Variants in NPFF observed in about 807,000 individuals in gnomAD.
The protein encoded by NPFF is neuropeptide FF-amide peptide precursor.
NPFF carries 14 observed loss-of-function variants against 12.9 expected under a neutral mutation model. That is an observed-to-expected ratio of 1.09 (90% CI 0.72 to 1.70). The LOEUF is 1.70. Ranked by LOEUF, NPFF falls within the 40% of genes most tolerant of loss-of-function variation. The pLI is 0.00. For missense variants in NPFF, 140 were observed against 135.7 expected, an observed-to-expected ratio of 1.03 and a Z score of -0.16; for synonymous variants, 56 against 57.3, an observed-to-expected ratio of 0.98 and a Z score of 0.10.
In NPFF at chr12:53,507,092, T is replaced by C. The variant is rs768475017; in HGVS notation, c.153A>G (p.Ser51=). The stretch of plus-strand genomic sequence containing the variant: ...TTGCCTGGAGCAGGTAGTGCAACAG[T>C]GACCCAGAGGTCTGGGCATCCTGTG... ...LPPQDAQTSG[S]LLHYLLQAME... Residue 51 remains serine (S), a synonymous_variant, in exon 2 of 3, where the codon TCA becomes TCG. Coordinates refer to ENST00000267017, the MANE Select transcript of NPFF (RefSeq NM_003717.4). The C allele has an allele frequency of 6.2e-7, 1 of 1,614,060 alleles. No homozygotes were observed. The highest frequency in any genetic ancestry group is 1.7e-5 in the Admixed American group (1 of 60,008).
rs1405541986 is a variant in NPFF, at chr12:53,506,879, G to A, written c.239C>T (p.Thr80Ile). 1 of 1,596,212 alleles carries A rather than the reference G, an allele frequency of 6.3e-7. No individual in the cohort carries two copies. Among genetic ancestry groups the A allele is most frequent in the Non-Finnish European group, 8.5e-7 (1 of 1,170,932 alleles). The change falls in exon 3 of 3, where the codon ACC (threonine) becomes ATC (isoleucine). Residue 80 changes from threonine (T) to isoleucine (I), a missense_variant. By Grantham distance (89) the Thr-to-Ile change is moderately conservative. Transcript: ENST00000267017. ...CCATTCATTCCTCCAGGATCCCTGG[G>A]TATTTCTGCCAAACCTTAGGAAAGA... is the stretch of plus-strand genomic sequence containing the variant. ...LFQPQRFGRN[T>I]QGSWRNEWLS...
Position 53,507,157 on chromosome 12 carries a change from T to C in NPFF, c.103-15A>G, listed in dbSNP as rs373348483. The C allele has an allele frequency of 2.0e-5, 33 of 1,611,904 alleles. No individual in the cohort carries two copies. Among genetic ancestry groups the C allele is most frequent in the Non-Finnish European group, 2.0e-5 (23 of 1,179,042 alleles). ...CTGTCTTCCTCCTGTGCCAAGGGGG[T>C]ATCAGGGAAGGAAGATGGGCAAATA... On this transcript the variant is annotated splice_polypyrimidine_tract_variant and intron_variant, in intron 1 of 2. Transcript: ENST00000267017.
intron 1 of NPFF, 81 bp from the exon 2 acceptor site, chr12:53,507,223 A>C (rs1453290193): frequency 6.3e-7 from 1 of 1,586,746 alleles, no homozygotes; most frequent in African/African-American, 1.3e-5. Context: ...ACTGGCTTCC[A>C]GGGGCAAGTG....
chr12:53,506,786 C>G lies in NPFF; in HGVS notation c.332G>C (p.Gly111Ala). The G allele has an allele frequency of 6.4e-7, 1 of 1,558,172 alleles. No homozygotes were observed. The highest frequency in any genetic ancestry group is 1.2e-5 in the South Asian group (1 of 81,926). ...TCAAGGGATGACATGTCACTTCTTC[C>G]CAAAGCGTTGAGGGGCAGCCAGGCT... ...FWSLAAPQRF[G>A]KK Residue 111 changes from glycine (G) to alanine (A), a missense_variant, in exon 3 of 3, where the codon GGG (glycine) becomes GCG (alanine). Coordinates refer to ENST00000267017, the MANE Select transcript of NPFF (RefSeq NM_003717.4).
At chr12:53,506,920 C>T in intron 2 of NPFF, 27 bp from the exon 3 acceptor site, 5 of 1,577,398 alleles carry the variant, frequency 3.2e-6, no homozygotes, top group Non-Finnish European at 4.3e-6. Flanking sequence ...CCTCAGGTCC[C>T]CGCAGTCTCC....
In NPFF at chr12:53,507,412, A is replaced by G. The variant is rs1021384111; in HGVS notation, c.63T>C (p.Ala21=). ...VLLLLIDGGC[A]EGPGGQQEDQ... is the part of the protein sequence containing the mutation. ...CTTCCTGCTGGCCTCCTGGCCCTTCAGCACAGCCCCCGTCTATTAACAGCA... is the reference window on the plus strand; with the variant it reads ...CTTCCTGCTGGCCTCCTGGCCCTTCGGCACAGCCCCCGTCTATTAACAGCA... The change falls in exon 1 of 3, where the codon GCT becomes GCC. Residue 21 remains alanine (A), a synonymous_variant. Transcript: ENST00000267017. 7.4e-6 allele frequency: 12 copies of G among 1,614,026 alleles called. No individual in the cohort carries two copies. The highest frequency in any genetic ancestry group is 3.3e-5 in the Admixed American group (2 of 60,014).
At chr12:53,506,964 G>T in intron 2 of NPFF, 57 bp downstream of exon 2, 1 of 1,591,120 alleles carries the variant, frequency 6.3e-7, no homozygotes, top group South Asian at 1.1e-5. Flanking sequence ...CTCTTCCTCT[G>T]CCTCCTGCCC....
In NPFF at chr12:53,506,856, A is replaced by G. The variant is rs35822762; in HGVS notation, c.262T>C (p.Trp88Arg). Residue 88 changes from tryptophan to arginine, a missense_variant, in exon 3 of 3, where the codon TGG (tryptophan) becomes CGG (arginine). Transcript: ENST00000267017. ...RNTQGSWRNE[W>R]LSPRAGEGLN... ...CCCTCTCCAGCCCGGGGACTCAGCC[A>G]TTCATTCCTCCAGGATCCCTGGGTA... The G allele has an allele frequency of 4.4e-3, 7,133 of 1,604,760 alleles. 157 individuals carry two copies. In the African/African-American group the frequency reaches 0.061, roughly 14 times the overall value.
Position 53,506,964 on chromosome 12 carries a change from G to A in NPFF, c.224+57C>T, listed in dbSNP as rs370832577. ...GCCCCCTTCCTTCTCCTCTTCCTCT[G>A]CCTCCTGCCCTTTCCACCCCCAGCC... On this transcript the variant is annotated intron_variant, in intron 2 of 2. Coordinates refer to ENST00000267017, the MANE Select transcript of NPFF (RefSeq NM_003717.4). The A allele has an allele frequency of 1.5e-4, 235 of 1,591,122 alleles. 3 individuals are homozygous for A. The African/African-American group carries it at 2.4e-3, about 16-fold the overall frequency.
Position 53,507,103 on chromosome 12 carries a change from T to G in NPFF, c.142A>C (p.Thr48Pro), listed in dbSNP as rs1215599243. The G allele has an allele frequency of 6.2e-6, 10 of 1,613,872 alleles. No homozygotes were observed. Among genetic ancestry groups the G allele is most frequent in the Non-Finnish European group, 8.5e-6 (10 of 1,179,966 alleles). ...SEPLPPQDAQ[T>P]SGSLLHYLLQ... is the part of the protein sequence containing the mutation. Reference sequence around the variant, plus strand: ...AGGTAGTGCAACAGTGACCCAGAGGTCTGGGCATCCTGTGGTGGGAGGGGT... The same window carrying G: ...AGGTAGTGCAACAGTGACCCAGAGGGCTGGGCATCCTGTGGTGGGAGGGGT... The change falls in exon 2 of 3, where the codon ACC becomes CCC. Residue 48 changes from threonine to proline, a missense_variant. Transcript: ENST00000267017.
rs1382995471 is a variant in NPFF at position 53,507,154 on chromosome 12, G to T, written c.103-12C>A. 2.5e-6 allele frequency: 4 copies of T among 1,612,924 alleles called. No homozygotes were observed. The highest frequency in any genetic ancestry group is 1.7e-5 in the Admixed American group (1 of 59,924). On this transcript the variant is annotated splice_polypyrimidine_tract_variant and intron_variant, in intron 1 of 2. Transcript: ENST00000267017. ...TCGCTGTCTTCCTCCTGTGCCAAGG[G>T]GGTATCAGGGAAGGAAGATGGGCAA...
Position 53,507,371 on chromosome 12 carries a change from A to G in NPFF, c.102+2T>C. On this transcript the variant is annotated splice_donor_variant, in intron 1 of 2. Coordinates refer to ENST00000267017, the MANE Select transcript of NPFF (RefSeq NM_003717.4). LOFTEE classifies it high-confidence loss of function. ...TGATATGGGGATGGGACACACACTC[A>G]CCGCGGAGAGCTGGTCTTCCTGCTG... 1 of 1,614,062 alleles carries G rather than the reference A, an allele frequency of 6.2e-7. No homozygotes were observed. Among genetic ancestry groups the G allele is most frequent in the Non-Finnish European group, 8.5e-7 (1 of 1,179,998 alleles).
intron 1 of NPFF, 99 bp from the exon 2 acceptor site, chr12:53,507,241 G>A: frequency 6.3e-7 from 1 of 1,582,572 alleles, no homozygotes; most frequent in Non-Finnish European, 8.6e-7. Context: ...GTGGTAGGAG[G>A]CTGCGGAACC....
rs1313156200 is a variant in NPFF, at chr12:53,506,700, A to G, written c.*76T>C. 7.5e-6 allele frequency: 9 copies of G among 1,198,062 alleles called. No homozygotes were observed. Among genetic ancestry groups the G allele is most frequent in the Non-Finnish European group, 1.1e-5 (9 of 849,580 alleles). 74.2% of individuals were successfully genotyped at this position (1,198,062 alleles called of 1,614,324 possible). ...AGACACACATGGATTCAGAAGCCAG[A>G]CAATTTTATTTGGGGGGCAAACATT... On this transcript the variant is annotated 3_prime_UTR_variant, in exon 3 of 3. Coordinates refer to ENST00000267017, the MANE Select transcript of NPFF (RefSeq NM_003717.4).
chr12:53,507,367 ACTCACCGCGGAGAG>A lies in NPFF; in HGVS notation c.94_102+5del. The stretch of plus-strand genomic sequence containing the variant: ...ATGGTGATATGGGGATGGGACACAC[ACTCACCGCGGAGAG>A]CTGGTCTTCCTGCTGGCCTCCTGGC... On this transcript the variant is annotated splice_donor_variant and splice_donor_5th_base_variant and coding_sequence_variant and intron_variant, in exon 1 of 3. Coordinates refer to ENST00000267017, the MANE Select transcript of NPFF (RefSeq NM_003717.4). LOFTEE classifies it high-confidence loss of function. 6.2e-7 allele frequency: 1 copy of A among 1,613,756 alleles called. No homozygotes were observed. Among genetic ancestry groups the A allele is most frequent in the Non-Finnish European group, 8.5e-7 (1 of 1,179,880 alleles).
In NPFF at chr12:53,506,792, C is replaced by T. The variant is rs765220989; in HGVS notation, c.326G>A (p.Arg109His). ...GATGACATGTCACTTCTTCCCAAAG[C>T]GTTGAGGGGCAGCCAGGCTCCAGAA... ...SQFWSLAAPQ[R>H]FGKK The change falls in exon 3 of 3, where the codon CGC becomes CAC. Residue 109 changes from arginine (R) to histidine (H), a missense_variant. By Grantham distance (29) the Arg-to-His change is conservative. Transcript: ENST00000267017. The T allele has an allele frequency of 5.7e-6, 9 of 1,569,302 alleles. No homozygotes were observed. The highest frequency in any genetic ancestry group is 2.2e-5 in the East Asian group (1 of 44,484).
Position 53,506,699 on chromosome 12 carries a change from G to A in NPFF, c.*77C>T, listed in dbSNP as rs772445895. ...CAGACACACATGGATTCAGAAGCCAGACAATTTTATTTGGGGGGCAAACAT... is the reference window on the plus strand; with the variant it reads ...CAGACACACATGGATTCAGAAGCCAAACAATTTTATTTGGGGGGCAAACAT... On this transcript the variant is annotated 3_prime_UTR_variant, in exon 3 of 3. Transcript: ENST00000267017. 3.6e-5 allele frequency: 43 copies of A among 1,196,958 alleles called. No homozygotes were observed. Among genetic ancestry groups the A allele is most frequent in the Non-Finnish European group, 4.7e-5 (40 of 848,954 alleles). 74.1% of individuals were successfully genotyped at this position (1,196,958 alleles called of 1,614,324 possible).
chr12:53,507,245 C>A, intron 1 of NPFF, 103 bp from the exon 2 acceptor site: 1 of 1,581,972 alleles, frequency 6.3e-7, no homozygotes. Context: ...TAGGAGGCTG[C>A]GGAACCATTT....
Position 53,506,804 on chromosome 12 carries a change from G to C in NPFF, c.314C>G (p.Ala105Gly), listed in dbSNP as rs763509280. ...EGLNSQFWSLAAPQRFGKK is the reference protein window; with the variant it reads ...EGLNSQFWSLGAPQRFGKK Reference sequence around the variant, plus strand: ...CTTCTTCCCAAAGCGTTGAGGGGCAGCCAGGCTCCAGAACTGGGAATTCAG... The same window carrying C: ...CTTCTTCCCAAAGCGTTGAGGGGCACCCAGGCTCCAGAACTGGGAATTCAG... Residue 105 changes from alanine to glycine, a missense_variant, in exon 3 of 3, where the codon GCT (alanine) becomes GGT (glycine). Coordinates refer to ENST00000267017, the MANE Select transcript of NPFF (RefSeq NM_003717.4). 1.9e-6 allele frequency: 3 copies of C among 1,586,724 alleles called. No homozygotes were observed. In the Admixed American group the frequency reaches 5.4e-5, roughly 29 times the overall value.
Sources: gnomAD v4.1 joint callset for allele counts on GRCh38, gnomAD v4.1.1 for gene constraint, MANE v1.5 for transcripts, NCBI Gene and HGNC (gene_info 2026-07-23, HGNC 2026-07-21) for gene names.